DNAH5: variants seen among roughly 807,000 people sequenced by gnomAD.
The protein encoded by DNAH5 is axonemal beta dynein heavy chain 5.
DNAH5 carries 372 observed loss-of-function variants against 518.2 expected under a neutral mutation model. The observed-to-expected ratio is 0.72, with a 90% CI of 0.66 to 0.78. The LOEUF (loss-of-function observed/expected upper bound fraction) is 0.78. Ranked by LOEUF, DNAH5 falls within the 30% of genes least tolerant of loss-of-function variation. DNAH5 has a pLI of 0.00. For synonymous variants in DNAH5, 2,039 were observed against 2,025.9 expected, an observed-to-expected ratio of 1.01 and a Z score of -0.17; for missense variants, 5,523 against 5,687.0, an observed-to-expected ratio of 0.97 and a Z score of 0.93.
chr5:13,980,343 C>T (rs887992993), intron 1 of DNAH5, among the ~76,000 whole-genome samples: 3 of 152,260 alleles, frequency 2.0e-5, no homozygotes, highest in South Asian at 2.1e-4. Flanking sequence ...TATCTCCAAC[C>T]CTGAACGTTC....
chr5:13,871,703 T>C lies in DNAH5; in HGVS notation c.3459A>G (p.Glu1153=), dbSNP rs758346022. ...RYNHIWQKGK[E]EAIKTFITQS... ...GTGTAATAAATGTCTTAATGGCTTC[T>C]TCTTTTCCCTTTTGCCAAATGTGAT... The change falls in exon 23 of 79, where the codon GAA becomes GAG. Residue 1153 remains glutamate, a synonymous_variant. Coordinates refer to ENST00000265104, the MANE Select transcript of DNAH5 (RefSeq NM_001369.3). The C allele has an allele frequency of 4.3e-6, 7 of 1,613,784 alleles. No homozygotes were observed. The South Asian group carries it at 7.7e-5, about 18-fold the overall frequency.
chr5:13,839,281 A>G lies in DNAH5; in HGVS notation c.5882+75T>C, dbSNP rs188569180. 4 of 1,403,312 alleles carry G rather than the reference A, an allele frequency of 2.9e-6. No individual in the cohort carries two copies. The African/African-American group carries it at 5.7e-5, about 20-fold the overall frequency. The allele number at this position is 1,403,312 out of a possible 1,614,324, so 86.9% of individuals were successfully genotyped here. The stretch of plus-strand genomic sequence containing the variant: ...GTATAAAGAGCCTATAAACCCTAAG[A>G]GACTTTAAGCAAAAATCCCCTGAGC... On this transcript the variant is annotated intron_variant, in intron 35 of 78. Coordinates refer to ENST00000265104, the MANE Select transcript of DNAH5 (RefSeq NM_001369.3).
intron 1 of DNAH5, among the ~76,000 whole-genome samples, chr5:14,008,572 G>T (rs530165342): frequency 5.9e-5 from 9 of 151,792 alleles, no homozygotes; most frequent in Non-Finnish European, 1.0e-4. Context: ...AACCCTTGGA[G>T]ATGGAGGTTG....
chr5:13,890,938 CA>C (rs769067143), intron 17 of DNAH5, 37 bp downstream of exon 17: 3 of 1,612,972 alleles, frequency 1.9e-6, no homozygotes, highest in Admixed American at 1.7e-5. Context: ...AATGAATCAC[CA>C]AAAACCTTAA....
At chr5:13,911,850 C>A (rs1376263640) in intron 11 of DNAH5, among the ~76,000 whole-genome samples, 1 of 152,060 alleles carries the variant, frequency 6.6e-6, no homozygotes, top group Admixed American at 6.5e-5. Context: ...CTAAAATATT[C>A]TGTGTTGAAT....
chr5:13,831,717 T>C (rs2151840064), intron 35 of DNAH5, among the ~76,000 whole-genome samples: 1 of 152,332 alleles, frequency 6.6e-6, no homozygotes, highest in Admixed American at 6.5e-5. Context: ...ATCAGGAGAA[T>C]GCCTGCTCTC....
intron 28 of DNAH5, 98 bp downstream of exon 28, chr5:13,864,299 G>A: frequency 6.6e-7 from 1 of 1,514,986 alleles, no homozygotes; most frequent in Non-Finnish European, 9.1e-7. Flanking sequence ...AGTTTCAATT[G>A]TCTGAGTGTA....
At chr5:14,004,282 A>G (rs1162779332) in intron 1 of DNAH5, among the ~76,000 whole-genome samples, 2 of 152,266 alleles carry the variant, frequency 1.3e-5, no homozygotes, top group African/African-American at 2.4e-5. Context: ...CCACATGGAG[A>G]GCAAAGGGAG....
intron 78 of DNAH5, among the ~76,000 whole-genome samples, chr5:13,697,787 T>C (rs887780022): frequency 6.6e-6 from 1 of 152,182 alleles, no homozygotes; most frequent in African/African-American, 2.4e-5. Context: ...ACCTCATGAC[T>C]TTCCACTCTT....
chr5:13,871,608 G>A lies in DNAH5; in HGVS notation c.3554C>T (p.Ala1185Val), dbSNP rs757075459. The A allele has an allele frequency of 6.2e-7, 1 of 1,613,696 alleles. No individual in the cohort carries two copies. The highest frequency in any genetic ancestry group is 8.5e-7 in the Non-Finnish European group (1 of 1,179,718). ...ACCCACACAGACATATTCAGGCTCA[G>A]CATTAATTTCCTGCTCTAGGTTTTG... Reference protein sequence around the residue: ...YFQNLEQEINAEPEYVCVGSI... With the variant: ...YFQNLEQEINVEPEYVCVGSI... Residue 1185 changes from alanine (A) to valine (V), a missense_variant, in exon 23 of 79, where the codon GCT becomes GTT. Ala to Val is a moderately conservative substitution (Grantham distance 64). This residue lies in a region of DNAH5 where 5,121 missense variants were observed against 5,223.3 expected (regional missense o/e 0.98). Transcript: ENST00000265104.
chr5:13,994,263 G>T (rs563427498), intron 1 of DNAH5, among the ~76,000 whole-genome samples: 2 of 152,128 alleles, frequency 1.3e-5, no homozygotes, highest in East Asian at 3.9e-4. Flanking sequence ...TAACTCTCCT[G>T]ACCTAACCAG....
rs780762703 is a variant in DNAH5, at chr5:13,913,880, T to C, written c.1399A>G (p.Met467Val). The C allele has an allele frequency of 1.9e-6, 3 of 1,613,640 alleles. No homozygotes were observed. The highest frequency in any genetic ancestry group is 2.5e-6 in the Non-Finnish European group (3 of 1,179,646). ...GTTTCGAATTTTCCAAAAATATACA[T>C]CTCGCTAAAATCAAATTGTTTTGCA... is the stretch of plus-strand genomic sequence containing the variant. ...PNAKQFDFSEMYIFGKFETFH... is the reference protein window; with the variant it reads ...PNAKQFDFSEVYIFGKFETFH... The change falls in exon 11 of 79, where the codon ATG (methionine) becomes GTG (valine). Residue 467 changes from methionine (M) to valine (V), a missense_variant. By Grantham distance (21) the Met-to-Val change is conservative. This residue lies in a region of DNAH5 where 5,121 missense variants were observed against 5,223.3 expected (regional missense o/e 0.98). Transcript: ENST00000265104.
intron 55 of DNAH5, among the ~76,000 whole-genome samples, chr5:13,773,033 T>C (rs887777504): frequency 5.3e-5 from 8 of 152,318 alleles, no homozygotes; most frequent in South Asian, 2.1e-4. Context: ...GGCAGGTTAG[T>C]ATTGGGTGTG....
chr5:13,993,686 G>C (rs1191044914), intron 1 of DNAH5, among the ~76,000 whole-genome samples: 1 of 152,196 alleles, frequency 6.6e-6, no homozygotes, highest in Non-Finnish European at 1.5e-5. Context: ...CATGAGCACA[G>C]CTATAAAAAG....
intron 1 of DNAH5, among the ~76,000 whole-genome samples, chr5:13,965,262 C>T (rs1166667473): frequency 2.6e-5 from 4 of 152,054 alleles, no homozygotes; most frequent in African/African-American, 9.7e-5. Flanking sequence ...CAGACAAATC[C>T]GTTTTTTTAA....
intron 1 of DNAH5, among the ~76,000 whole-genome samples, chr5:13,949,745 T>C (rs1400587964): frequency 2.6e-5 from 4 of 152,200 alleles, no homozygotes; most frequent in African/African-American, 4.8e-5. Flanking sequence ...ATTAGGAATA[T>C]TGGGCACTAA....
At chr5:13,785,981 A>G (rs1022853759) in intron 52 of DNAH5, among the ~76,000 whole-genome samples, 198 bp downstream of exon 52, 1 of 152,198 alleles carries the variant, frequency 6.6e-6, no homozygotes, top group Non-Finnish European at 1.5e-5. Context: ...ACACATTTAA[A>G]GTACACAGGC....
rs144596997 is a variant in DNAH5 at position 13,696,329 on chromosome 5, T to G, written c.13724-4194A>C. On this transcript the variant is annotated intron_variant, in intron 78 of 78. Transcript: ENST00000265104. ...CTTTCTTCTATCTGTCCTTTTCAGCTTCCTTTGAGAATAGAGGATCTAGAC... is the reference window on the plus strand; with the variant it reads ...CTTTCTTCTATCTGTCCTTTTCAGCGTCCTTTGAGAATAGAGGATCTAGAC... Among the ~76,000 whole-genome samples, 948 of 152,332 alleles carry G rather than the reference T, an allele frequency of 6.2e-3. 7 individuals are homozygous for G. Among genetic ancestry groups the G allele is most frequent in the Non-Finnish European group, 8.1e-3 (551 of 68,024 alleles).
rs1382427074 is a variant in DNAH5, at chr5:13,824,350, A to G, written c.6445-17T>C. The G allele has an allele frequency of 5.6e-6, 9 of 1,613,720 alleles. No individual in the cohort carries two copies. The highest frequency in any genetic ancestry group is 7.6e-6 in the Non-Finnish European group (9 of 1,179,670). ...ATAATGAACCTAGAGAATGTGAGAT[A>G]CATTGGGCTTATTTTCAACATTAAA... On this transcript the variant is annotated splice_polypyrimidine_tract_variant and intron_variant, in intron 38 of 78. Coordinates refer to ENST00000265104, the MANE Select transcript of DNAH5 (RefSeq NM_001369.3).
Sources: allele counts gnomAD v4.1 joint callset (sites outside exome capture counted in the v4.1 genomes callset), GRCh38; gene constraint gnomAD v4.1.1; regional missense constraint gnomAD v4.1.1; transcripts MANE v1.5; gene names NCBI Gene and HGNC (gene_info 2026-07-23, HGNC 2026-07-21).